PRR12: variants seen among roughly 807,000 people sequenced by gnomAD.
PRR12 encodes the protein proline-rich protein 12.
Under a neutral mutation model 138.0 loss-of-function variants are expected in PRR12, and 12 were observed. The ratio of observed to expected loss-of-function variants is 0.09; its 90% CI spans 0.06 to 0.14. The LOEUF (loss-of-function observed/expected upper bound fraction) is 0.14, where lower values mean the gene tolerates loss of function less well. PRR12 is among the 10% of genes least tolerant of loss of function. The probability of loss-of-function intolerance (pLI) is 1.00; values close to 1 mark genes in which losing one functional copy is unlikely to be tolerated. For synonymous variants in PRR12, 1,567 were observed against 1,291.7 expected, an observed-to-expected ratio of 1.21 and a Z score of -4.57; for missense variants, 2,692 against 2,861.3, an observed-to-expected ratio of 0.94 and a Z score of 1.35.
At chr19:49,620,100 C>T (rs914147629) in intron 9 of PRR12, among the ~76,000 whole-genome samples, 10 of 152,002 alleles carry the variant, frequency 6.6e-5, no homozygotes, top group Admixed American at 2.0e-4. Context: ...TGATCTGCCT[C>T]GGCCTCCCAA....
chr19:49,598,033 TGTAGG>T lies in PRR12; in HGVS notation c.3678+22_3678+26del. 1.5e-6 allele frequency: 2 copies of T among 1,337,632 alleles called. No individual in the cohort carries two copies. Among genetic ancestry groups the T allele is most frequent in the Non-Finnish European group, 1.9e-6 (2 of 1,046,034 alleles). The allele number at this position is 1,337,632 out of a possible 1,614,324, so 82.9% of individuals were successfully genotyped here. A position where few individuals can be genotyped will look rare whatever the true frequency, so the allele number is the denominator to read the frequency against. ...CTTAAGGTGAGGGGAAATGGGGTCT[TGTAGG>T]GGATAGGGGAGGAGGAGCTGTGTCC... On this transcript the variant is annotated intron_variant, in intron 4 of 13. Coordinates refer to ENST00000418929, the MANE Select transcript of PRR12 (RefSeq NM_020719.3).
rs1302474226 is a variant in PRR12 at position 49,614,048 on chromosome 19, G to A, written c.4774-485G>A. Among the ~76,000 whole-genome samples the A allele has an allele frequency of 2.6e-5, 4 of 152,170 alleles. No homozygotes were observed. The highest frequency in any genetic ancestry group is 2.1e-4 in the South Asian group (1 of 4,828). ...GGCTTGAACCCGGGAGGCGGAGGTC[G>A]CAGTGAGCTGAGATTGCGCCACTGC... On this transcript the variant is annotated intron_variant, in intron 6 of 13. Coordinates refer to ENST00000418929, the MANE Select transcript of PRR12 (RefSeq NM_020719.3). The surrounding 1 kb of genome is among the most constrained non-coding windows in gnomAD (Gnocchi z 5.0).
At chr19:49,612,998 C>G (rs1223616474) in intron 6 of PRR12, among the ~76,000 whole-genome samples, 2 of 151,838 alleles carry the variant, frequency 1.3e-5, no homozygotes, top group African/African-American at 4.8e-5. Context: ...TCCAGGGACT[C>G]TTTTTGGCAT....
At position 49,597,080 on chromosome 19, in the gene PRR12, C is replaced by A. The variant is rs1378112610; in HGVS notation, c.2745C>A (p.Ser915Arg). Reference protein sequence around the residue: ...EGKDPAGAYRSPSPQGTKAPR... With the variant: ...EGKDPAGAYRRPSPQGTKAPR... ...AGGATCCCGCAGGCGCCTACCGCAG[C>A]CCCAGCCCGCAAGGCACCAAGGCGC... is the stretch of plus-strand genomic sequence containing the variant. The change falls in exon 4 of 14, where the codon AGC becomes AGA. Residue 915 changes from serine (S) to arginine (R), a missense_variant. Ser to Arg is a moderately radical substitution (Grantham distance 110). Transcript: ENST00000418929. The surrounding 1 kb of genome is among the most constrained non-coding windows in gnomAD (Gnocchi z 6.3). The A allele has an allele frequency of 6.4e-7, 1 of 1,552,200 alleles. No homozygotes were observed. The highest frequency in any genetic ancestry group is 8.7e-7 in the Non-Finnish European group (1 of 1,148,266).
At chr19:49,619,851 CTT>C (rs55707507) in intron 9 of PRR12, among the ~76,000 whole-genome samples, 2 of 53,946 alleles carry the variant, frequency 3.7e-5, no homozygotes, top group African/African-American at 8.8e-5. Context: ...CAATGCCTGG[CTT>C]TTTTTTTTTT....
At chr19:49,621,791 A>C in intron 11 of PRR12, 169 bp downstream of exon 11, 1 of 612,936 alleles carries the variant, frequency 1.6e-6, no homozygotes, top group East Asian at 2.8e-5. Context: ...CTGGGTTCTC[A>C]ACAGCCATGA....
rs956908115 is a variant in PRR12, at chr19:49,614,023, G to A, written c.4774-510G>A. On this transcript the variant is annotated intron_variant, in intron 6 of 13. Transcript: ENST00000418929. This position sits in a 1 kb window ranked among gnomAD's most constrained non-coding sequence, Gnocchi z 5.0. ...CTCAGGAGGCTGAGGCAGAAGAATC[G>A]GCTTGAACCCGGGAGGCGGAGGTCG... is the stretch of plus-strand genomic sequence containing the variant. Among the ~76,000 whole-genome samples, 5 of 152,040 alleles carry A rather than the reference G, an allele frequency of 3.3e-5. No individual in the cohort carries two copies. Among genetic ancestry groups the A allele is most frequent in the African/African-American group, 7.3e-5 (3 of 41,370 alleles).
At position 49,616,333 on chromosome 19, in the gene PRR12, C is replaced by A; in HGVS notation, c.5497+114C>A. 3.3e-6 allele frequency: 3 copies of A among 915,200 alleles called. No individual in the cohort carries two copies. The highest frequency in any genetic ancestry group is 4.7e-6 in the Non-Finnish European group (3 of 631,602). The allele number at this position is 915,200 out of a possible 1,614,324, so 56.7% of individuals were successfully genotyped here. ...CAGGACAGTAAGAACCAGTATGTTA[C>A]AGATAATGGCAGTAGCTCACAGTCA... On this transcript the variant is annotated intron_variant, in intron 9 of 13. Coordinates refer to ENST00000418929, the MANE Select transcript of PRR12 (RefSeq NM_020719.3). The surrounding 1 kb of genome is among the most constrained non-coding windows in gnomAD (Gnocchi z 4.2).
intron 8 of PRR12, among the ~76,000 whole-genome samples, chr19:49,615,212 G>A (rs2080885313): frequency 1.3e-5 from 2 of 150,776 alleles, no homozygotes; most frequent in South Asian, 4.2e-4. Context: ...AGACAGGAGG[G>A]GAACAGAGAC....
At position 49,601,551 on chromosome 19, in the gene PRR12, C is replaced by G. The variant is rs1173127021; in HGVS notation, c.4406C>G (p.Pro1469Arg). 18 of 1,542,696 alleles carry G rather than the reference C, an allele frequency of 1.2e-5. 1 individual carries two copies. In the Middle Eastern group the frequency reaches 2.6e-3, roughly 225 times the overall value. ...PTPPPAPTPQ[P>R]QPPPPPPPPQ... ...CCACCTCCTGCCCCGACTCCTCAGC[C>G]TCAGCCTCCGCCACCCCCTCCGCCG... Residue 1469 changes from proline (P) to arginine (R), a missense_variant, in exon 6 of 14, where the codon CCT becomes CGT. Physicochemically the swap from Pro to Arg is moderately radical, Grantham distance 103. Around this residue, in one of 11 missense-constraint regions of PRR12, gnomAD observed 231 missense variants for 200.8 expected, o/e 1.15. Coordinates refer to ENST00000418929, the MANE Select transcript of PRR12 (RefSeq NM_020719.3).
chr19:49,599,762 A>G lies in PRR12; in HGVS notation c.4169A>G (p.Lys1390Arg), dbSNP rs939378107. The G allele has an allele frequency of 1.9e-6, 3 of 1,613,546 alleles. No individual in the cohort carries two copies. The highest frequency in any genetic ancestry group is 2.5e-6 in the Non-Finnish European group (3 of 1,179,896). The change falls in exon 5 of 14, where the codon AAG (lysine) becomes AGG (arginine). Residue 1390 changes from lysine (K) to arginine (R), a missense_variant. By Grantham distance (26) the Lys-to-Arg change is conservative. Coordinates refer to ENST00000418929, the MANE Select transcript of PRR12 (RefSeq NM_020719.3). This position sits in a 1 kb window ranked among gnomAD's most constrained non-coding sequence, Gnocchi z 5.0. The part of the protein sequence containing the change: ...FSSDEEDSVA[K>R]NRDLQESISS... ...TCGGATGAGGAAGACTCTGTCGCCAAGAACCGAGACCTGCAGGAGAGCATC... is the reference window on the plus strand; with the variant it reads ...TCGGATGAGGAAGACTCTGTCGCCAGGAACCGAGACCTGCAGGAGAGCATC...
Position 49,596,243 on chromosome 19 carries a change from A to G in PRR12, c.1908A>G (p.Thr636=). 1.9e-6 allele frequency: 3 copies of G among 1,611,314 alleles called. No individual in the cohort carries two copies. The highest frequency in any genetic ancestry group is 1.3e-5 in the African/African-American group (1 of 75,054). ...AGPGGPPAER[T]EDEEFLIQHL... is the part of the protein sequence containing the mutation. ...CAGGTGGGCCTCCTGCGGAGCGCAC[A>G]GAGGATGAGGAGTTCCTTATCCAGC... The change falls in exon 4 of 14, where the codon ACA becomes ACG. Residue 636 remains threonine, a synonymous_variant. Transcript: ENST00000418929. This position sits in a 1 kb window ranked among gnomAD's most constrained non-coding sequence, Gnocchi z 5.6.
At chr19:49,598,736 C>T (rs2080792364) in intron 4 of PRR12, among the ~76,000 whole-genome samples, 1 of 152,188 alleles carries the variant, frequency 6.6e-6, no homozygotes, top group South Asian at 2.1e-4. Flanking sequence ...GTGGGAGGAT[C>T]TCTTGAGCCC....
intron 11 of PRR12, among the ~76,000 whole-genome samples, chr19:49,622,928 T>TATATAGAGAGAG (rs1320368074): frequency 2.6e-5 from 2 of 77,760 alleles, no homozygotes; most frequent in Non-Finnish European, 4.5e-5. Flanking sequence ...TATATATATA[T>TATATAGAGAGAG]AGAGAGAGAG....
At chr19:49,618,535 G>A (rs2080904294) in intron 9 of PRR12, among the ~76,000 whole-genome samples, 1 of 152,008 alleles carries the variant, frequency 6.6e-6, no homozygotes, top group African/African-American at 2.4e-5. Context: ...CTATAGATGT[G>A]TGCCACCATG....
At position 49,614,794 on chromosome 19, in the gene PRR12, A is replaced by C; in HGVS notation, c.4891-82A>C. 1 of 1,587,008 alleles carries C rather than the reference A, an allele frequency of 6.3e-7. No individual in the cohort carries two copies. Among genetic ancestry groups the C allele is most frequent in the South Asian group, 1.1e-5 (1 of 89,744 alleles). ...TGCCGGCAGGCTCCAAGCAGCTGCC[A>C]TGGTGGCCCAGGGCACGGGGGTGTT... On this transcript the variant is annotated intron_variant, in intron 7 of 13. Coordinates refer to ENST00000418929, the MANE Select transcript of PRR12 (RefSeq NM_020719.3). The surrounding 1 kb of genome is among the most constrained non-coding windows in gnomAD (Gnocchi z 5.0).
At chr19:49,621,406 G>A (rs73058085) in intron 10 of PRR12, 119 bp from the exon 11 acceptor site, 233,437 of 754,174 alleles carry the variant, frequency 0.31, 39,508 homozygotes, top group Middle Eastern at 0.46. Context: ...GGGGGCTGGG[G>A]CCTGTACTTT....
chr19:49,616,226 C>A lies in PRR12; in HGVS notation c.5497+7C>A. 2 of 1,514,088 alleles carry A rather than the reference C, an allele frequency of 1.3e-6. No individual in the cohort carries two copies. Among genetic ancestry groups the A allele is most frequent in the Non-Finnish European group, 8.9e-7 (1 of 1,128,622 alleles). 93.8% of individuals were successfully genotyped at this position (1,514,088 alleles called of 1,614,324 possible). ...GGAGCCCCCAGCGAGGACGGTGAGGCCCTAGGCAGCCTCAGGGCTGCAGGG... is the reference window on the plus strand; with the variant it reads ...GGAGCCCCCAGCGAGGACGGTGAGGACCTAGGCAGCCTCAGGGCTGCAGGG... On this transcript the variant is annotated splice_region_variant and intron_variant, in intron 9 of 13. Transcript: ENST00000418929. The surrounding 1 kb of genome is among the most constrained non-coding windows in gnomAD (Gnocchi z 4.2).
chr19:49,592,488 GTGTTCACC>G (rs2080735295), intron 1 of PRR12, among the ~76,000 whole-genome samples: 1 of 152,116 alleles, frequency 6.6e-6, no homozygotes, highest in Non-Finnish European at 1.5e-5. Flanking sequence ...GGCTGGCAGC[GTGTTCACC>G]TGTGAATCTG....
Sources: allele counts gnomAD v4.1 joint callset (sites outside exome capture counted in the v4.1 genomes callset), GRCh38; gene constraint gnomAD v4.1.1; regional missense constraint gnomAD v4.1.1; non-coding constraint Gnocchi (gnomAD v3.1); transcripts MANE v1.5; gene names NCBI Gene and HGNC (gene_info 2026-07-23, HGNC 2026-07-21).